The following EYA1 variants were observed in gnomAD, a reference collection of about 807,000 sequenced individuals.
The protein encoded by EYA1 is EYA transcriptional coactivator and phosphatase 1.
EYA1 carries 16 observed loss-of-function variants against 82.0 expected under a neutral mutation model. The observed-to-expected ratio is 0.20, with a 90% CI of 0.13 to 0.30. The LOEUF is 0.30. Ranked by LOEUF, EYA1 falls within the 10% of genes least tolerant of loss-of-function variation. The pLI is 1.00. For synonymous variants in EYA1, 261 were observed against 264.4 expected, an observed-to-expected ratio of 0.99 and a Z score of 0.12; for missense variants, 633 against 730.7, an observed-to-expected ratio of 0.87 and a Z score of 1.54.
chr8:71,472,940 A>T (rs1033469730), intron 2 of EYA1, among the ~76,000 whole-genome samples: 20 of 151,704 alleles, frequency 1.3e-4, no homozygotes, highest in Non-Finnish European at 2.5e-4. Context: ...TAATTGTTAA[A>T]CAAATAGTAT....
chr8:71,322,432 C>G (rs1247448701), intron 4 of EYA1, 164 bp from the exon 5 acceptor site: 1 of 663,878 alleles, frequency 1.5e-6, no homozygotes, highest in East Asian at 2.7e-5. Flanking sequence ...TTCCACCTAA[C>G]AGAAAGTTAA....
intron 2 of EYA1, among the ~76,000 whole-genome samples, chr8:71,525,414 A>G (rs1264302763): frequency 6.6e-6 from 1 of 152,218 alleles, no homozygotes; most frequent in Non-Finnish European, 1.5e-5. Flanking sequence ...AAATATAAAC[A>G]TTAATTGATC....
At chr8:71,346,410 TTTTA>T (rs1339227835) in intron 3 of EYA1, among the ~76,000 whole-genome samples, 2 of 141,918 alleles carry the variant, frequency 1.4e-5, no homozygotes, top group Non-Finnish European at 3.0e-5. Context: ...ACATACACAC[TTTTA>T]TTTTTTTACT....
At chr8:71,226,012 T>C (rs1206677368) in intron 12 of EYA1, among the ~76,000 whole-genome samples, 1 of 152,182 alleles carries the variant, frequency 6.6e-6, no homozygotes. Flanking sequence ...TTTATTAATA[T>C]TCATAAAATA....
intron 1 of EYA1, among the ~76,000 whole-genome samples, chr8:71,360,250 C>T (rs1199807184): frequency 6.6e-6 from 1 of 152,118 alleles, no homozygotes; most frequent in Non-Finnish European, 1.5e-5. Context: ...CACATGGATG[C>T]TACCAATAGC....
intron 2 of EYA1, among the ~76,000 whole-genome samples, chr8:71,469,347 C>T (rs1167249719): frequency 6.6e-6 from 1 of 152,034 alleles, no homozygotes; most frequent in Non-Finnish European, 1.5e-5. Context: ...CTACGACTTA[C>T]CTAACTATGT....
intron 12 of EYA1, among the ~76,000 whole-genome samples, chr8:71,225,991 ATCTGAT>A (rs1373585541): frequency 3.9e-5 from 6 of 152,178 alleles, no homozygotes; most frequent in Non-Finnish European, 7.4e-5. Context: ...AGCTATTTTG[ATCTGAT>A]TCTATTTATT....
At chr8:71,356,762 T>C in intron 1 of EYA1, 1 of 1,188,830 alleles carries the variant, frequency 8.4e-7, no homozygotes, top group African/African-American at 1.6e-5. Flanking sequence ...TAGTGATTCA[T>C]CACTGGCCTA....
At chr8:71,516,153 G>A (rs1184721531) in intron 2 of EYA1, among the ~76,000 whole-genome samples, 1 of 152,072 alleles carries the variant, frequency 6.6e-6, no homozygotes, top group Non-Finnish European at 1.5e-5. Flanking sequence ...AATACATACA[G>A]TTTGTCTTTT....
intron 2 of EYA1, among the ~76,000 whole-genome samples, chr8:71,440,614 G>A (rs1248197075): frequency 6.6e-6 from 1 of 152,080 alleles, no homozygotes; most frequent in African/African-American, 2.4e-5. Flanking sequence ...AGAACTACTG[G>A]GATCTAAAAT....
Position 71,266,087 on chromosome 8 carries a change from T to C in EYA1, c.1050+3653A>G, listed in dbSNP as rs1477679018. 2.0e-5 allele frequency among the ~76,000 whole-genome samples: 3 copies of C among 152,248 alleles called. No homozygotes were observed. The East Asian group carries it at 5.8e-4, about 29-fold the overall frequency. On this transcript the variant is annotated intron_variant, in intron 11 of 17. Coordinates refer to ENST00000340726, the MANE Select transcript of EYA1 (RefSeq NM_000503.6). The stretch of plus-strand genomic sequence containing the variant: ...CCAGATCCTGTGTCCTCTTACTGAA[T>C]GGCCTACTCATTGAGTTGCCTAAGC...
intron 2 of EYA1, among the ~76,000 whole-genome samples, chr8:71,486,319 C>T (rs1027852512): frequency 1.3e-5 from 2 of 151,712 alleles, no homozygotes; most frequent in African/African-American, 2.4e-5. Context: ...CTGGGAGGCA[C>T]ACAGAAGAGG....
intron 2 of EYA1, among the ~76,000 whole-genome samples, chr8:71,526,472 C>T (rs1415166500): frequency 6.6e-6 from 1 of 152,122 alleles, no homozygotes; most frequent in Non-Finnish European, 1.5e-5. Flanking sequence ...AATCTGGGAG[C>T]AGTTTAGCTG....
intron 12 of EYA1, among the ~76,000 whole-genome samples, chr8:71,226,505 CA>C (rs1810574999): frequency 6.6e-6 from 1 of 151,552 alleles, no homozygotes; most frequent in Non-Finnish European, 1.5e-5. Flanking sequence ...TCTTTATTCA[CA>C]CTCTCAACCT....
chr8:71,386,481 A>G (rs572538404), intron 2 of EYA1, among the ~76,000 whole-genome samples: 179 of 152,352 alleles, frequency 1.2e-3, no homozygotes, highest in African/African-American at 4.2e-3. Context: ...AAAGGCCACA[A>G]TTACAAATAA....
At chr8:71,454,706 T>G (rs112287827) in intron 2 of EYA1, among the ~76,000 whole-genome samples, 10,216 of 152,146 alleles carry the variant, frequency 0.067, 1,163 homozygotes, top group African/African-American at 0.23. Flanking sequence ...AAATACAGAT[T>G]TTCTTTGAAA....
intron 2 of EYA1, among the ~76,000 whole-genome samples, chr8:71,414,145 C>T (rs998173532): frequency 2.0e-4 from 30 of 152,134 alleles, no homozygotes; most frequent in Non-Finnish European, 3.5e-4. Flanking sequence ...CCATCAGGCA[C>T]CCATATCAAT....
At chr8:71,453,086 G>A (rs1040965032) in intron 2 of EYA1, among the ~76,000 whole-genome samples, 1 of 152,188 alleles carries the variant, frequency 6.6e-6, no homozygotes, top group African/African-American at 2.4e-5. Context: ...TGGCCTGATG[G>A]AGCTGAAAAC....
chr8:71,245,490 T>G (rs571313579), intron 11 of EYA1, among the ~76,000 whole-genome samples: 1 of 152,056 alleles, frequency 6.6e-6, no homozygotes, highest in Admixed American at 6.5e-5. Context: ...CCTCCCAAAG[T>G]GCTGGGATTA....
Sources: gnomAD v4.1 joint callset for allele counts (sites outside exome capture counted in the v4.1 genomes callset) on GRCh38, gnomAD v4.1.1 for gene constraint, MANE v1.5 for transcripts, NCBI Gene and HGNC (gene_info 2026-07-23, HGNC 2026-07-21) for gene names.